CCDC28A: variants seen among roughly 807,000 people sequenced by gnomAD.
The protein encoded by CCDC28A is coiled-coil domain containing 28A.
In CCDC28A, 24 loss-of-function variants were observed where a neutral mutation model predicts 22.1. The observed-to-expected ratio is 1.09, with a 90% confidence interval of 0.79 to 1.53. The LOEUF (loss-of-function observed/expected upper bound fraction) is 1.53. Ranked by LOEUF, CCDC28A falls within the 40% of genes most tolerant of loss-of-function variation. CCDC28A has a pLI of 0.00. For missense variants in CCDC28A, 170 were observed against 210.7 expected (o/e 0.81, Z 1.20); for synonymous variants, 83 against 74.7 (o/e 1.11, Z -0.57).
intron 2 of CCDC28A, among the ~76,000 whole-genome samples, chr6:138,776,888 AAC>A (rs1488833485): frequency 6.6e-6 from 1 of 152,126 alleles, no homozygotes; most frequent in African/African-American, 2.4e-5. Context: ...TAAATATTCA[AAC>A]ACAGGAAAAA....
chr6:138,792,662 C>T lies in CCDC28A; in HGVS notation c.501-87C>T, dbSNP rs927757248. On this transcript the variant is annotated intron_variant, in intron 5 of 5. Coordinates refer to ENST00000617445, the MANE Select transcript of CCDC28A (RefSeq NM_015439.3). ...GAACATATCTCTTTTTTAAATACCG[C>T]TTTCTCTTTGCTCCTGAATGTAATT... is the stretch of plus-strand genomic sequence containing the variant. The T allele has an allele frequency of 1.1e-5, 9 of 834,638 alleles. No homozygotes were observed. The African/African-American group carries it at 1.5e-4, about 14-fold the overall frequency. The allele number at this position is 834,638 out of a possible 1,614,324, so 51.7% of individuals were successfully genotyped here.
At chr6:138,784,489 C>T in intron 3 of CCDC28A, among the ~76,000 whole-genome samples, 1 of 151,392 alleles carries the variant, frequency 6.6e-6, no homozygotes. Flanking sequence ...TAGCTGGGAC[C>T]AGAGGCATGC....
Position 138,776,279 on chromosome 6 carries a change from G to A in CCDC28A, c.158+1G>A. On this transcript the variant is annotated splice_donor_variant, in intron 2 of 5. Transcript: ENST00000617445. LOFTEE classifies it high-confidence loss of function. ...CTTCACAGCGACCAAAGTTAAAAAG[G>A]TGAATTCTTTTATTTTACATGTTCA... 1 of 1,608,856 alleles carries A rather than the reference G, an allele frequency of 6.2e-7. No homozygotes were observed. The highest frequency in any genetic ancestry group is 8.5e-7 in the Non-Finnish European group (1 of 1,175,296).
intron 3 of CCDC28A, among the ~76,000 whole-genome samples, chr6:138,784,034 C>T (rs536222370): frequency 5.8e-4 from 88 of 152,024 alleles, no homozygotes; most frequent in South Asian, 1.0e-3. Context: ...CATGCCACCA[C>T]GCCTGGCTAA....
At chr6:138,781,712 T>C (rs2114904474) in intron 3 of CCDC28A, among the ~76,000 whole-genome samples, 1 of 152,338 alleles carries the variant, frequency 6.6e-6, no homozygotes, top group Middle Eastern at 3.4e-3. Flanking sequence ...TTGTCAGTTT[T>C]CTACTTGGTT....
At chr6:138,781,540 T>TG (rs1256650749) in intron 3 of CCDC28A, among the ~76,000 whole-genome samples, 2 of 152,334 alleles carry the variant, frequency 1.3e-5, no homozygotes, top group Middle Eastern at 3.4e-3. Flanking sequence ...AAATAATTTA[T>TG]GAAAAAATGC....
Position 138,792,853 on chromosome 6 carries a change from T to TA in CCDC28A, c.*51dup, listed in dbSNP as rs1475023090. 2 of 1,284,034 alleles carry TA rather than the reference T, an allele frequency of 1.6e-6. No individual in the cohort carries two copies. Among genetic ancestry groups the TA allele is most frequent in the East Asian group, 4.7e-5 (2 of 42,836 alleles). The allele number at this position is 1,284,034 out of a possible 1,614,324, so 79.5% of individuals were successfully genotyped here. On this transcript the variant is annotated 3_prime_UTR_variant, in exon 6 of 6. Transcript: ENST00000617445. ...TGATTTGAAGAGAAGCAGCAGTCTT[T>TA]ACTTTTCCAGCCAAATCCAGTAGCA...
chr6:138,781,267 A>T (rs1213148395), intron 3 of CCDC28A, among the ~76,000 whole-genome samples: 2 of 152,212 alleles, frequency 1.3e-5, no homozygotes, highest in Non-Finnish European at 1.5e-5. Flanking sequence ...ATGGCAACAT[A>T]ATATTCCAAG....
chr6:138,788,568 C>CTTTTTTTTTTTTTTTTTTTTTTTTTTTTT (rs3070099), intron 5 of CCDC28A, among the ~76,000 whole-genome samples, 180 bp downstream of exon 5: 3 of 92,986 alleles, frequency 3.2e-5, no homozygotes, highest in African/African-American at 5.1e-5. Context: ...TTTTTCTTTT[C>CTTTTTTTTTTTTTTTTTTTTTTTTTTTTT]TTTTTTTTTT....
intron 2 of CCDC28A, among the ~76,000 whole-genome samples, chr6:138,778,801 T>C (rs1774975560): frequency 6.7e-6 from 1 of 149,240 alleles, no homozygotes; most frequent in South Asian, 2.1e-4. Flanking sequence ...GGAGTCTCGC[T>C]CTGTCACCCA....
At chr6:138,779,593 A>G (rs1477682777) in intron 2 of CCDC28A, among the ~76,000 whole-genome samples, 1 of 152,216 alleles carries the variant, frequency 6.6e-6, no homozygotes, top group Non-Finnish European at 1.5e-5. Context: ...ATATAAATGT[A>G]TTAATCAAAC....
At chr6:138,792,647 C>CT in intron 5 of CCDC28A, 102 bp from the exon 6 acceptor site, 1 of 766,434 alleles carries the variant, frequency 1.3e-6, no homozygotes, top group Non-Finnish European at 2.2e-6. Context: ...GAACATATCT[C>CT]TTTTTTAAAT....
At chr6:138,774,573 T>G (rs1043758249) in intron 1 of CCDC28A, among the ~76,000 whole-genome samples, 1 of 152,262 alleles carries the variant, frequency 6.6e-6, no homozygotes, top group East Asian at 1.9e-4. Flanking sequence ...TTGGAGCCTT[T>G]CCCAGAAAGC....
At chr6:138,786,168 G>C (rs1583524000) in intron 4 of CCDC28A, among the ~76,000 whole-genome samples, 1 of 152,196 alleles carries the variant, frequency 6.6e-6, no homozygotes, top group Non-Finnish European at 1.5e-5. Context: ...TCTATGCCAA[G>C]TGTCCAACTT....
chr6:138,779,671 T>A (rs1385985677), intron 2 of CCDC28A, 151 bp from the exon 3 acceptor site: 7 of 484,726 alleles, frequency 1.4e-5, no homozygotes. Context: ...TTTTTTTCTT[T>A]TGGTTTCTGG....
chr6:138,781,858 T>G (rs1998132), intron 3 of CCDC28A, among the ~76,000 whole-genome samples: 15 of 152,260 alleles, frequency 9.9e-5, no homozygotes, highest in Non-Finnish European at 7.3e-5. Flanking sequence ...ATATTTAACC[T>G]TGTAAAAGTT....
At position 138,792,863 on chromosome 6, in the gene CCDC28A, G is replaced by A; in HGVS notation, c.*60G>A. 9.2e-7 allele frequency: 1 copy of A among 1,082,266 alleles called. No homozygotes were observed. Among genetic ancestry groups the A allele is most frequent in the South Asian group, 1.3e-5 (1 of 75,610 alleles). The allele number at this position is 1,082,266 out of a possible 1,614,324, so 67.0% of individuals were successfully genotyped here. ...AGAAGCAGCAGTCTTTACTTTTCCA[G>A]CCAAATCCAGTAGCAGAATCATCTT... On this transcript the variant is annotated 3_prime_UTR_variant, in exon 6 of 6. Transcript: ENST00000617445.
chr6:138,780,863 C>T (rs1343106642), intron 3 of CCDC28A, among the ~76,000 whole-genome samples: 4 of 152,122 alleles, frequency 2.6e-5, no homozygotes, highest in East Asian at 1.9e-4. Flanking sequence ...TGAGCCACCG[C>T]GCCTGGCCTA....
rs1221408004 is a variant in CCDC28A, at chr6:138,793,125, T to C, written c.*322T>C. ...TTGACAGGGCGGAGGGATTTCTCTT[T>C]CCTGAGCTCACCAAACTTATTCCAG... On this transcript the variant is annotated 3_prime_UTR_variant, in exon 6 of 6. Coordinates refer to ENST00000617445, the MANE Select transcript of CCDC28A (RefSeq NM_015439.3). 3.6e-6 allele frequency: 1 copy of C among 276,610 alleles called. No homozygotes were observed. The allele number at this position is 276,610 out of a possible 1,614,324, so 17.1% of individuals were successfully genotyped here. A position where few individuals can be genotyped will look rare whatever the true frequency, so the allele number is the denominator to read the frequency against.
Sources: gnomAD v4.1 joint callset for allele counts (sites outside exome capture counted in the v4.1 genomes callset) on GRCh38, gnomAD v4.1.1 for gene constraint, MANE v1.5 for transcripts, NCBI Gene and HGNC (gene_info 2026-07-23, HGNC 2026-07-21) for gene names.